Variants in PIEZO2 observed in about 807,000 individuals in gnomAD.
PIEZO2 encodes piezo-type mechanosensitive ion channel component 2.
A neutral mutation model predicts 337.3 loss-of-function variants in PIEZO2; 172 were observed. The observed-to-expected ratio is 0.51, with a 90% CI of 0.45 to 0.58. PIEZO2 has a LOEUF of 0.58. Ranked by LOEUF, PIEZO2 falls within the 20% of genes least tolerant of loss-of-function variation. The pLI is 0.00. For synonymous variants in PIEZO2, 1,251 were observed against 1,228.5 expected, an observed-to-expected ratio of 1.02 and a Z score of -0.38; for missense variants, 3,028 against 3,391.3, an observed-to-expected ratio of 0.89 and a Z score of 2.66.
intron 2 of PIEZO2, among the ~76,000 whole-genome samples, chr18:11,052,468 ACATT>A (rs555509863): frequency 8.6e-4 from 131 of 152,304 alleles, no homozygotes; most frequent in African/African-American, 3.0e-3. Flanking sequence ...TCAAGCCTCC[ACATT>A]CATGATAAGG....
At chr18:10,762,855 T>C (rs2038195133) in intron 22 of PIEZO2, 67 bp downstream of exon 22, 5 of 1,476,196 alleles carry the variant, frequency 3.4e-6, no homozygotes, top group Middle Eastern at 3.8e-4. Flanking sequence ...GGGATGGGGG[T>C]TCCCCAAGTA....
At position 10,899,116 on chromosome 18, in the gene PIEZO2, C is replaced by T. The variant is rs980150442; in HGVS notation, c.329+12070G>A. ...AGAGACTAGCAAAGGGAAGCATGGG[C>T]TCTATAGTTAAAAAGACCTAACTGC... is the stretch of plus-strand genomic sequence containing the variant. On this transcript the variant is annotated intron_variant, in intron 4 of 55. Coordinates refer to ENST00000674853, the MANE Select transcript of PIEZO2 (RefSeq NM_001378183.1). The surrounding 1 kb of genome is among the most constrained non-coding windows in gnomAD (Gnocchi z 4.6). 6.6e-6 allele frequency among the ~76,000 whole-genome samples: 1 copy of T among 152,184 alleles called. No homozygotes were observed. Among genetic ancestry groups the T allele is most frequent in the African/African-American group, 2.4e-5 (1 of 41,450 alleles).
At chr18:10,926,547 C>A (rs1024218364) in intron 3 of PIEZO2, among the ~76,000 whole-genome samples, 1 of 152,156 alleles carries the variant, frequency 6.6e-6, no homozygotes, top group Non-Finnish European at 1.5e-5. Flanking sequence ...AGTGACTCCA[C>A]CTAGGTAGCC....
At chr18:10,760,546 C>CA (rs1279680444) in intron 24 of PIEZO2, among the ~76,000 whole-genome samples, 20 of 152,224 alleles carry the variant, frequency 1.3e-4, no homozygotes, top group African/African-American at 4.3e-4. Context: ...CTCAGAAGAT[C>CA]TGCCTGCCTT....
chr18:11,054,758 G>C (rs1299467588), intron 2 of PIEZO2, among the ~76,000 whole-genome samples: 1 of 152,194 alleles, frequency 6.6e-6, no homozygotes, highest in Non-Finnish European at 1.5e-5. Context: ...GAAAGAATCA[G>C]TGTTGGGAAA....
chr18:10,909,975 A>T (rs1312973320), intron 4 of PIEZO2, among the ~76,000 whole-genome samples: 4 of 152,214 alleles, frequency 2.6e-5, no homozygotes, highest in Non-Finnish European at 5.9e-5. Context: ...AGTGGCAAAG[A>T]AACTGCTACC....
Position 10,763,098 on chromosome 18 carries a change from C to T in PIEZO2, c.2947G>A (p.Val983Met), listed in dbSNP as rs1056526470. The change falls in exon 22 of 56, where the codon GTG (valine) becomes ATG (methionine). Residue 983 changes from valine (V) to methionine (M), a missense_variant and splice_region_variant. Coordinates refer to ENST00000674853, the MANE Select transcript of PIEZO2 (RefSeq NM_001378183.1). ...SYIIWVSVKE[V>M]SLFNYVFLIS... The stretch of plus-strand genomic sequence containing the variant: ...AAAAATACATAGTTGAACAGAGACA[C>T]CTGAAAACGTAAAACCAGAAATGGG... 4 of 1,536,114 alleles carry T rather than the reference C, an allele frequency of 2.6e-6. No individual in the cohort carries two copies. Among genetic ancestry groups the T allele is most frequent in the East Asian group, 4.9e-5 (2 of 40,872 alleles).
intron 1 of PIEZO2, among the ~76,000 whole-genome samples, chr18:11,117,706 T>A (rs1568388212): frequency 6.6e-6 from 1 of 152,236 alleles, no homozygotes; most frequent in Non-Finnish European, 1.5e-5. Flanking sequence ...GGCCTCTATT[T>A]GAAAGATCCA....
At chr18:10,875,223 C>T (rs1241948925) in intron 4 of PIEZO2, among the ~76,000 whole-genome samples, 1 of 152,110 alleles carries the variant, frequency 6.6e-6, no homozygotes, top group Non-Finnish European at 1.5e-5. Context: ...CAGCAAATTC[C>T]TTTCATTTGG....
chr18:10,791,363 C>T (rs1380795692), intron 13 of PIEZO2, 39 bp from the exon 14 acceptor site: 2 of 1,455,026 alleles, frequency 1.4e-6, no homozygotes, highest in Non-Finnish European at 1.8e-6. Flanking sequence ...ATTAAGCAAC[C>T]ATTTGGAATG....
At chr18:10,875,270 C>T (rs1471454221) in intron 4 of PIEZO2, among the ~76,000 whole-genome samples, 1 of 152,024 alleles carries the variant, frequency 6.6e-6, no homozygotes, top group Non-Finnish European at 1.5e-5. Flanking sequence ...AGAGCTTCAT[C>T]CAAACTACAT....
chr18:10,757,892 A>C, intron 27 of PIEZO2, 77 bp downstream of exon 27: 1 of 1,347,596 alleles, frequency 7.4e-7, no homozygotes, highest in Non-Finnish European at 9.9e-7. Context: ...CAAGTATAGC[A>C]GAGAAAGTAT....
chr18:11,138,119 T>C (rs1471791645), intron 1 of PIEZO2, among the ~76,000 whole-genome samples: 1 of 152,230 alleles, frequency 6.6e-6, no homozygotes, highest in Non-Finnish European at 1.5e-5. Flanking sequence ...ACTTCTGAGA[T>C]GTTCAAAACA....
At chr18:10,717,376 C>T (rs1486195620) in intron 37 of PIEZO2, among the ~76,000 whole-genome samples, 5 of 152,098 alleles carry the variant, frequency 3.3e-5, no homozygotes, top group Non-Finnish European at 5.9e-5. Context: ...GGTGGCCTTC[C>T]GTAAGTCTCC....
chr18:10,964,087 CAAT>C (rs1386947116), intron 3 of PIEZO2, among the ~76,000 whole-genome samples: 3 of 152,210 alleles, frequency 2.0e-5, no homozygotes, highest in African/African-American at 7.2e-5. Context: ...ATTATTCAAT[CAAT>C]GATGATGGAA....
chr18:10,683,020 G>C (rs1463235474), intron 49 of PIEZO2, among the ~76,000 whole-genome samples: 2 of 152,206 alleles, frequency 1.3e-5, no homozygotes, highest in African/African-American at 4.8e-5. Flanking sequence ...GTGCTGTCTG[G>C]CATTGAACCT....
At chr18:11,037,364 A>G (rs151292489) in intron 2 of PIEZO2, among the ~76,000 whole-genome samples, 54 of 152,276 alleles carry the variant, frequency 3.5e-4, no homozygotes, top group African/African-American at 1.3e-3. Context: ...AGAAATGAAA[A>G]CGTTTATTGT....
Position 11,146,433 on chromosome 18 carries a change from CCA to C in PIEZO2, c.64+2090_64+2091del, listed in dbSNP as rs1174428379. ...TGAGAGGCAGGGCTGAATCCAGACC[CCA>C]GTCCCCCCACCTCCACCCTGGCTGC... On this transcript the variant is annotated intron_variant, in intron 1 of 55. Transcript: ENST00000674853. This position sits in a 1 kb window ranked among gnomAD's most constrained non-coding sequence, Gnocchi z 6.1. Among the ~76,000 whole-genome samples the C allele has an allele frequency of 1.3e-5, 2 of 152,126 alleles. No individual in the cohort carries two copies. The highest frequency in any genetic ancestry group is 4.8e-5 in the African/African-American group (2 of 41,414).
intron 7 of PIEZO2, among the ~76,000 whole-genome samples, chr18:10,835,404 A>G (rs1167097343): frequency 6.6e-6 from 1 of 152,258 alleles, no homozygotes. Context: ...CTTTCTGTAA[A>G]GACAGAGAAA....
Sources: gnomAD v4.1 joint callset for allele counts (sites outside exome capture counted in the v4.1 genomes callset) on GRCh38, gnomAD v4.1.1 for gene constraint, Gnocchi (gnomAD v3.1) non-coding constraint, MANE v1.5 for transcripts, NCBI Gene and HGNC (gene_info 2026-07-23, HGNC 2026-07-21) for gene names.